Variants in PTPRN2 observed in about 807,000 individuals in gnomAD.
PTPRN2 encodes the protein protein tyrosine phosphatase receptor type N2.
A neutral mutation model predicts 118.8 loss-of-function variants in PTPRN2; 74 were observed. That is an observed-to-expected ratio of 0.62 (90% CI 0.52 to 0.76). The LOEUF (loss-of-function observed/expected upper bound fraction) is 0.76. Ranked by LOEUF, PTPRN2 falls within the 30% of genes least tolerant of loss-of-function variation. The probability of loss-of-function intolerance (pLI) is 0.00; values close to 1 mark genes in which losing one functional copy is unlikely to be tolerated. For missense variants in PTPRN2, 1,481 were observed against 1,394.4 expected (o/e 1.06, Z -0.99); for synonymous variants, 641 against 608.0 (o/e 1.05, Z -0.80).
chr7:158,470,959 AAGTAGCTGGG>A (rs1178827674), intron 2 of PTPRN2, among the ~76,000 whole-genome samples: 3 of 152,012 alleles, frequency 2.0e-5, no homozygotes, highest in Non-Finnish European at 4.4e-5. Flanking sequence ...TCAACCTCCC[AAGTAGCTGGG>A]ATTACGTGCG....
chr7:157,943,153 C>T (rs1364707785), intron 11 of PTPRN2, among the ~76,000 whole-genome samples: 1 of 152,176 alleles, frequency 6.6e-6, no homozygotes, highest in Non-Finnish European at 1.5e-5. Context: ...GTTCTCGAGA[C>T]CCAAGAACAC....
intron 14 of PTPRN2, among the ~76,000 whole-genome samples, chr7:157,637,370 A>G (rs1219429631): frequency 6.6e-6 from 1 of 152,214 alleles, no homozygotes; most frequent in Non-Finnish European, 1.5e-5. Flanking sequence ...TCTAAAGTGA[A>G]CAGCAGCCCC....
At chr7:157,805,541 A>G (rs118017909) in intron 12 of PTPRN2, among the ~76,000 whole-genome samples, 2,882 of 152,304 alleles carry the variant, frequency 0.019, 79 homozygotes, top group South Asian at 0.12. Flanking sequence ...AAAATTAGAC[A>G]CATAGAACAT....
intron 12 of PTPRN2, among the ~76,000 whole-genome samples, chr7:157,891,859 A>G (rs1169976163): frequency 6.6e-6 from 1 of 152,106 alleles, no homozygotes; most frequent in Non-Finnish European, 1.5e-5. Flanking sequence ...ACCTCATCCC[A>G]CACTGGACAG....
intron 2 of PTPRN2, among the ~76,000 whole-genome samples, chr7:158,471,999 CG>C (rs1819896533): frequency 6.6e-6 from 1 of 152,056 alleles, no homozygotes; most frequent in Non-Finnish European, 1.5e-5. Flanking sequence ...GGCCCCGCCA[CG>C]GTTCCGGCCT....
chr7:158,135,402 C>T (rs1261954775), intron 8 of PTPRN2, among the ~76,000 whole-genome samples: 1 of 152,102 alleles, frequency 6.6e-6, no homozygotes. Context: ...TAGGAAAAAG[C>T]ATAATATTGT....
At chr7:157,662,534 A>T (rs553080158) in intron 13 of PTPRN2, among the ~76,000 whole-genome samples, 2 of 152,284 alleles carry the variant, frequency 1.3e-5, no homozygotes, top group Non-Finnish European at 2.9e-5. Context: ...GGCCGGGAGG[A>T]GGGGACCCTC....
intron 12 of PTPRN2, among the ~76,000 whole-genome samples, chr7:157,760,328 A>C (rs1190801168): frequency 4.6e-5 from 7 of 151,510 alleles, no homozygotes; most frequent in Admixed American, 1.3e-4. Flanking sequence ...TTTGCAGAGA[A>C]GTGAACTCAG....
In PTPRN2 at chr7:158,521,565, TACTG is replaced by T. The variant is rs1392158867; in HGVS notation, c.113-31784_113-31781del. Reference sequence around the variant, plus strand: ...GCATCGGAATGGTGGACTGTCCAGGTACTGGCTCAGGGGGGAGGTCCACGTCACA... The same window carrying T: ...GCATCGGAATGGTGGACTGTCCAGGTGCTCAGGGGGGAGGTCCACGTCACA... On this transcript the variant is annotated intron_variant, in intron 1 of 22. Coordinates refer to ENST00000389418, the MANE Select transcript of PTPRN2 (RefSeq NM_002847.5). Among the ~76,000 whole-genome samples the T allele has an allele frequency of 4.7e-3, 699 of 149,602 alleles. 175 individuals are homozygous for T. Among genetic ancestry groups the T allele is most frequent in the African/African-American group, 8.5e-3 (337 of 39,794 alleles).
In PTPRN2 at chr7:157,656,465, C is replaced by T; in HGVS notation, c.2088G>A (p.Gln696=). Residue 696 remains glutamine, a synonymous_variant, in exon 14 of 23, where the codon CAG becomes CAA. Coordinates refer to ENST00000389418, the MANE Select transcript of PTPRN2 (RefSeq NM_002847.5). ...GGCTGGGGATCGGCCCGTCGCTGAA[C>T]TGGGATGAGACGCTGCTGATGCGTG... ...HTSRISSVSS[Q]FSDGPIPSPS... 1 of 1,555,486 alleles carries T rather than the reference C, an allele frequency of 6.4e-7. No individual in the cohort carries two copies.
chr7:158,173,512 G>A (rs951330165), intron 5 of PTPRN2, among the ~76,000 whole-genome samples: 1 of 152,130 alleles, frequency 6.6e-6, no homozygotes, highest in Non-Finnish European at 1.5e-5. Flanking sequence ...CACAAGGCAG[G>A]GGGTGAAATT....
chr7:158,109,611 G>A (rs908134249), intron 10 of PTPRN2, among the ~76,000 whole-genome samples: 6 of 151,800 alleles, frequency 4.0e-5, no homozygotes, highest in African/African-American at 1.5e-4. Flanking sequence ...GAGCCAGTGA[G>A]TGAATGACGT....
chr7:157,746,628 C>G (rs1800961016), intron 12 of PTPRN2, among the ~76,000 whole-genome samples: 1 of 150,724 alleles, frequency 6.6e-6, no homozygotes, highest in African/African-American at 2.4e-5. Flanking sequence ...GTGCCAACAG[C>G]ATAGAGATCA....
chr7:158,379,851 A>T (rs932811229), intron 2 of PTPRN2, among the ~76,000 whole-genome samples: 3 of 152,208 alleles, frequency 2.0e-5, no homozygotes, highest in African/African-American at 7.2e-5. Flanking sequence ...TCACAATTCC[A>T]CATGGCTGGG....
Position 157,610,623 on chromosome 7 carries a change from A to G in PTPRN2, c.2345-6548T>C, listed in dbSNP as rs897555440. On this transcript the variant is annotated intron_variant, in intron 15 of 22. Coordinates refer to ENST00000389418, the MANE Select transcript of PTPRN2 (RefSeq NM_002847.5). This position sits in a 1 kb window ranked among gnomAD's most constrained non-coding sequence, Gnocchi z 5.1. ...CTGCTTAGGGATCCCAGCGGCTCAC[A>G]CACAGAAAGGCCTTTGAACTTGTCA... 2.6e-5 allele frequency among the ~76,000 whole-genome samples: 4 copies of G among 152,230 alleles called. No individual in the cohort carries two copies. Among genetic ancestry groups the G allele is most frequent in the African/African-American group, 7.2e-5 (3 of 41,450 alleles).
At position 158,525,429 on chromosome 7, in the gene PTPRN2, G is replaced by C. The variant is rs1256348199; in HGVS notation, c.113-35644C>G. On this transcript the variant is annotated intron_variant, in intron 1 of 22. Coordinates refer to ENST00000389418, the MANE Select transcript of PTPRN2 (RefSeq NM_002847.5). The surrounding 1 kb of genome is among the most constrained non-coding windows in gnomAD (Gnocchi z 4.1). ...GTTTCCAGCCTGCCAGCCCCATCCA[G>C]ACTTAAGGACGGAAAGTGGGACCAA... Among the ~76,000 whole-genome samples, 3 of 152,156 alleles carry C rather than the reference G, an allele frequency of 2.0e-5. No individual in the cohort carries two copies. Among genetic ancestry groups the C allele is most frequent in the African/African-American group, 7.2e-5 (3 of 41,426 alleles).
intron 3 of PTPRN2, among the ~76,000 whole-genome samples, chr7:158,260,165 G>A (rs1797304406): frequency 6.6e-6 from 1 of 152,190 alleles, no homozygotes; most frequent in African/African-American, 2.4e-5. Flanking sequence ...CTCTCTGTGG[G>A]GTTTGGAGAA....
intron 1 of PTPRN2, among the ~76,000 whole-genome samples, chr7:158,495,744 T>C (rs185686459): frequency 1.3e-5 from 2 of 152,032 alleles, no homozygotes; most frequent in East Asian, 3.9e-4. Context: ...AAGTGAGAGA[T>C]TAAAGCGCCT....
chr7:157,894,906 A>G (rs9942674), intron 12 of PTPRN2, among the ~76,000 whole-genome samples: 3,763 of 152,312 alleles, frequency 0.025, 140 homozygotes, highest in African/African-American at 0.081. Context: ...AATTGACAGG[A>G]AAGTGGATCG....
Sources: gnomAD v4.1 joint callset for allele counts (sites outside exome capture counted in the v4.1 genomes callset) on GRCh38, gnomAD v4.1.1 for gene constraint, Gnocchi (gnomAD v3.1) non-coding constraint, MANE v1.5 for transcripts, NCBI Gene and HGNC (gene_info 2026-07-23, HGNC 2026-07-21) for gene names.